The following DPYD variants were observed in gnomAD, a reference collection of about 807,000 sequenced individuals.
DPYD encodes dihydropyrimidine dehydrogenase, also known as dihydropyrimidine dehydrogenase [NADP(+)].
Under a neutral mutation model 116.2 loss-of-function variants are expected in DPYD, and 109 were observed. That is an observed-to-expected ratio of 0.94 (90% CI 0.80 to 1.10). The LOEUF is 1.10. Ranked by LOEUF, DPYD falls within the 50% of genes least tolerant of loss-of-function variation. The pLI is 0.00. For synonymous variants in DPYD, 440 were observed against 432.0 expected (o/e 1.02, Z -0.23); for missense variants, 1,302 against 1,254.5 (o/e 1.04, Z -0.57).
At position 97,370,567 on chromosome 1, in the gene DPYD, C is replaced by A. The variant is rs138364898; in HGVS notation, c.2058+2994G>T. Among the ~76,000 whole-genome samples, 1,020 of 152,210 alleles carry A rather than the reference C, an allele frequency of 6.7e-3. 14 individuals carry two copies. The highest frequency in any genetic ancestry group is 0.023 in the African/African-American group (961 of 41,530). ...ACCTGCACGTTCAGCTCATGTATCC[C>A]AGAACTTAAAGCAAATTTTTTTTTA... On this transcript the variant is annotated intron_variant, in intron 16 of 22. Coordinates refer to ENST00000370192, the MANE Select transcript of DPYD (RefSeq NM_000110.4).
chr1:97,427,230 G>T lies in DPYD; in HGVS notation c.1905+22829C>A, dbSNP rs117674519. On this transcript the variant is annotated intron_variant, in intron 14 of 22. Coordinates refer to ENST00000370192, the MANE Select transcript of DPYD (RefSeq NM_000110.4). The stretch of plus-strand genomic sequence containing the variant: ...CTGTTTATGAAGTTAAATATTTGTT[G>T]GTACTATCCATCAAAAGGTAAGTTT... 1.7e-3 allele frequency among the ~76,000 whole-genome samples: 251 copies of T among 151,954 alleles called. 5 individuals are homozygous for T. In the East Asian group the frequency reaches 0.044, roughly 27 times the overall value.
intron 12 of DPYD, among the ~76,000 whole-genome samples, chr1:97,540,647 G>A (rs959557764): frequency 2.6e-5 from 4 of 152,140 alleles, no homozygotes; most frequent in Non-Finnish European, 4.4e-5. Context: ...TTTATGGAAA[G>A]TTCATTACAT....
intron 3 of DPYD, among the ~76,000 whole-genome samples, chr1:97,766,328 G>A (rs1387673957): frequency 1.3e-5 from 2 of 152,032 alleles, no homozygotes; most frequent in African/African-American, 4.8e-5. Flanking sequence ...GGTAAGATAA[G>A]TTTTTAGATA....
intron 14 of DPYD, among the ~76,000 whole-genome samples, chr1:97,416,880 G>T (rs1480365641): frequency 6.6e-6 from 1 of 152,030 alleles, no homozygotes; most frequent in Non-Finnish European, 1.5e-5. Context: ...TTAGTTGTCA[G>T]CATTTACCCT....
At chr1:97,894,163 T>G (rs1672930362) in intron 1 of DPYD, among the ~76,000 whole-genome samples, 1 of 151,770 alleles carries the variant, frequency 6.6e-6, no homozygotes, top group Admixed American at 6.6e-5. Flanking sequence ...CTCTTCTGAC[T>G]CACTCACAGC....
At chr1:97,901,889 C>T (rs2101686125) in intron 1 of DPYD, among the ~76,000 whole-genome samples, 1 of 151,872 alleles carries the variant, frequency 6.6e-6, no homozygotes, top group Non-Finnish European at 1.5e-5. Context: ...TCAGAAATGT[C>T]AGGTAATGCT....
Position 97,608,228 on chromosome 1 carries a change from T to A in DPYD, c.851-13062A>T, listed in dbSNP as rs191749915. 3.9e-4 allele frequency among the ~76,000 whole-genome samples: 59 copies of A among 152,124 alleles called. No homozygotes were observed. The Middle Eastern group carries it at 0.031, about 79-fold the overall frequency. On this transcript the variant is annotated intron_variant, in intron 8 of 22. Coordinates refer to ENST00000370192, the MANE Select transcript of DPYD (RefSeq NM_000110.4). ...TAAAAATTAAGTCAGTAATGGCAACTGCACATCAGTTACATTCTGAGTAAA... is the reference window on the plus strand; with the variant it reads ...TAAAAATTAAGTCAGTAATGGCAACAGCACATCAGTTACATTCTGAGTAAA...
At chr1:97,081,088 A>G (rs1649117605) in intron 22 of DPYD, among the ~76,000 whole-genome samples, 1 of 152,034 alleles carries the variant, frequency 6.6e-6, no homozygotes, top group African/African-American at 2.4e-5. Context: ...AAAGGTGATG[A>G]ATTGAGTAAA....
chr1:97,589,064 C>T lies in DPYD; in HGVS notation c.1128+4154G>A, dbSNP rs114918734. Among the ~76,000 whole-genome samples the T allele has an allele frequency of 4.6e-3, 698 of 152,190 alleles. 10 individuals are homozygous for T. The highest frequency in any genetic ancestry group is 0.016 in the African/African-American group (653 of 41,536). On this transcript the variant is annotated intron_variant, in intron 10 of 22. Transcript: ENST00000370192. The stretch of plus-strand genomic sequence containing the variant: ...GAATCAGCAACTCTAGGGACAGGGC[C>T]CAGCAATCTGTGTTTAACAAGCCCT...
At chr1:97,094,564 G>A (rs1056584158) in intron 21 of DPYD, among the ~76,000 whole-genome samples, 1 of 152,064 alleles carries the variant, frequency 6.6e-6, no homozygotes, top group African/African-American at 2.4e-5. Flanking sequence ...GGTAAGATGG[G>A]GTTCATTGAG....
chr1:97,241,467 C>T (rs1446396286), intron 18 of DPYD, among the ~76,000 whole-genome samples: 1 of 151,948 alleles, frequency 6.6e-6, no homozygotes, highest in Non-Finnish European at 1.5e-5. Context: ...TATCCAGTGT[C>T]ACGTAGTTTA....
intron 1 of DPYD, among the ~76,000 whole-genome samples, chr1:97,900,324 G>A (rs756546487): frequency 7.2e-5 from 11 of 151,808 alleles, no homozygotes; most frequent in Admixed American, 3.9e-4. Context: ...TCTTTAAGCC[G>A]CTTTTAGCAA....
chr1:97,327,105 G>A (rs1357906899), intron 16 of DPYD, among the ~76,000 whole-genome samples: 2 of 151,940 alleles, frequency 1.3e-5, no homozygotes, highest in Non-Finnish European at 2.9e-5. Flanking sequence ...GAGATCACAG[G>A]CCTAAATAGG....
At chr1:97,605,462 C>G (rs1655528256) in intron 8 of DPYD, among the ~76,000 whole-genome samples, 1 of 152,008 alleles carries the variant, frequency 6.6e-6, no homozygotes, top group African/African-American at 2.4e-5. Flanking sequence ...CTCACTCCGT[C>G]CTGCTACCCT....
In DPYD at chr1:97,631,072, A is replaced by G. The variant is rs72732391; in HGVS notation, c.851-35906T>C. 4.0e-3 allele frequency among the ~76,000 whole-genome samples: 612 copies of G among 152,208 alleles called. 4 individuals carry two copies. Among genetic ancestry groups the G allele is most frequent in the African/African-American group, 0.014 (564 of 41,552 alleles). On this transcript the variant is annotated intron_variant, in intron 8 of 22. Coordinates refer to ENST00000370192, the MANE Select transcript of DPYD (RefSeq NM_000110.4). The stretch of plus-strand genomic sequence containing the variant: ...AGCACGTAACAGGCTTCTGAGAGCA[A>G]GCTTACTGATTTTCATTTGCTGGAA...
At chr1:97,292,618 G>C (rs1170415455) in intron 18 of DPYD, among the ~76,000 whole-genome samples, 1 of 152,128 alleles carries the variant, frequency 6.6e-6, no homozygotes, top group Non-Finnish European at 1.5e-5. Flanking sequence ...TATATAAAAA[G>C]GGTGAAACTA....
intron 8 of DPYD, among the ~76,000 whole-genome samples, chr1:97,616,400 T>C (rs903401496): frequency 7.9e-5 from 12 of 152,332 alleles, no homozygotes; most frequent in Middle Eastern, 3.4e-3. Flanking sequence ...GATAATGAGA[T>C]TGAAAATTAT....
At chr1:97,323,671 C>CAT (rs201887650) in intron 16 of DPYD, among the ~76,000 whole-genome samples, 2 of 46,862 alleles carry the variant, frequency 4.3e-5, no homozygotes, top group Admixed American at 4.1e-4. Flanking sequence ...ATATACATAT[C>CAT]ATATATATAC....
chr1:97,644,830 A>T (rs1213724875), intron 8 of DPYD, among the ~76,000 whole-genome samples: 1 of 151,994 alleles, frequency 6.6e-6, no homozygotes, highest in Non-Finnish European at 1.5e-5. Context: ...ACATATGCAA[A>T]GATAAGATAT....
Sources: gnomAD v4.1 joint callset for allele counts (sites outside exome capture counted in the v4.1 genomes callset) on GRCh38, gnomAD v4.1.1 for gene constraint, MANE v1.5 for transcripts, NCBI Gene and HGNC (gene_info 2026-07-23, HGNC 2026-07-21) for gene names.